Variants in MMP26 observed in about 807,000 individuals in gnomAD.
The protein encoded by MMP26 is matrix metallopeptidase 26.
Under a neutral mutation model 31.0 loss-of-function variants are expected in MMP26, and 33 were observed. That is an observed-to-expected ratio of 1.06 (90% confidence interval 0.81 to 1.42). The LOEUF (loss-of-function observed/expected upper bound fraction) is 1.42. Ranked by LOEUF, MMP26 falls within the 40% of genes most tolerant of loss-of-function variation. MMP26 has a pLI of 0.00. For missense variants in MMP26, 347 were observed against 316.1 expected, an observed-to-expected ratio of 1.10 and a Z score of -0.74; for synonymous variants, 122 against 114.9, an observed-to-expected ratio of 1.06 and a Z score of -0.40.
intron 2 of MMP26, among the ~76,000 whole-genome samples, chr11:4,892,439 C>T (rs954824038): frequency 6.6e-6 from 1 of 152,166 alleles, no homozygotes; most frequent in African/African-American, 2.4e-5. Flanking sequence ...AACTCTGTTG[C>T]AGTACCTCAA....
rs891652401 is a variant in MMP26 at position 4,714,957 on chromosome 11, C to T, written c.-217+9912C>T. Among the ~76,000 whole-genome samples the T allele has an allele frequency of 7.4e-5, 11 of 148,694 alleles. No individual in the cohort carries two copies. The South Asian group carries it at 8.5e-4, about 11-fold the overall frequency. Reference sequence around the variant, plus strand: ...ACACACACACACACACACACACACACATTACTCAGTTTGTGAGAACACTGG... The same window carrying T: ...ACACACACACACACACACACACACATATTACTCAGTTTGTGAGAACACTGG... On this transcript the variant is annotated intron_variant, in intron 1 of 7. Coordinates refer to ENST00000380390, the MANE Select transcript of MMP26 (RefSeq NM_021801.5).
intron 2 of MMP26, among the ~76,000 whole-genome samples, chr11:4,797,065 T>C (rs1400536384): frequency 6.6e-6 from 1 of 152,116 alleles, no homozygotes; most frequent in Non-Finnish European, 1.5e-5. Flanking sequence ...TATTTATTCA[T>C]GTAACAAATA....
chr11:4,923,707 C>T lies in MMP26; in HGVS notation c.-144-64361C>T, dbSNP rs770785938. 7 of 1,613,988 alleles carry T rather than the reference C, an allele frequency of 4.3e-6. No homozygotes were observed. In the South Asian group the frequency reaches 7.7e-5, roughly 18 times the overall value. On this transcript the variant is annotated intron_variant, in intron 2 of 7. Coordinates refer to ENST00000380390, the MANE Select transcript of MMP26 (RefSeq NM_021801.5). ...ATGAGAGAAAGATGAGCAGGGAGTC[C>T]ACACCCACGGTGCAGGCCACAACAA...
At chr11:4,848,458 G>T (rs1216674692) in intron 2 of MMP26, 1 of 1,613,666 alleles carries the variant, frequency 6.2e-7, no homozygotes, top group South Asian at 1.1e-5. Context: ...GCAGAGAGGT[G>T]GGCAGCACAG....
At chr11:4,723,888 G>T (rs1848057639) in intron 1 of MMP26, 5 of 1,135,686 alleles carry the variant, frequency 4.4e-6, no homozygotes, top group Non-Finnish European at 6.7e-6. Context: ...TGAGGGTCTT[G>T]ATCTGCTCCT....
intron 2 of MMP26, chr11:4,945,647 T>A (rs1846284063): frequency 6.2e-6 from 1 of 162,548 alleles, no homozygotes; most frequent in Non-Finnish European, 1.4e-5. Context: ...AGGATTGGAC[T>A]GAAAAACTAT....
chr11:4,709,641 C>A (rs57324092), intron 1 of MMP26: 1 of 457,234 alleles, frequency 2.2e-6, no homozygotes, highest in South Asian at 1.5e-5. Context: ...CCTTGAAACC[C>A]GTCAGATCTG....
chr11:4,750,939 A>G (rs918732259), intron 1 of MMP26, among the ~76,000 whole-genome samples: 1 of 152,054 alleles, frequency 6.6e-6, no homozygotes, highest in African/African-American at 2.4e-5. Context: ...TAGACAAGAA[A>G]TACAGATTTA....
At chr11:4,985,923 G>A (rs74054442) in intron 2 of MMP26, among the ~76,000 whole-genome samples, 7,811 of 152,132 alleles carry the variant, frequency 0.051, 659 homozygotes, top group African/African-American at 0.18. Flanking sequence ...ATTGCTTTCT[G>A]CAAAATTAGC....
intron 1 of MMP26, among the ~76,000 whole-genome samples, chr11:4,737,311 T>G (rs561657152): frequency 5.3e-5 from 8 of 152,196 alleles, no homozygotes; most frequent in Non-Finnish European, 1.0e-4. Flanking sequence ...TGATTCTTGT[T>G]TCCTGATTCA....
At chr11:4,907,202 C>A in intron 2 of MMP26, 1 of 524,458 alleles carries the variant, frequency 1.9e-6, no homozygotes, top group Non-Finnish European at 3.4e-6. Context: ...TGTTTAAGGA[C>A]TTCTGGTAAA....
intron 2 of MMP26, among the ~76,000 whole-genome samples, chr11:4,906,860 G>T (rs575213542): frequency 6.6e-6 from 1 of 152,156 alleles, no homozygotes; most frequent in East Asian, 1.9e-4. Context: ...GGAGGCCAAG[G>T]CAGGTGGATC....
intron 2 of MMP26, among the ~76,000 whole-genome samples, chr11:4,976,750 T>A (rs554357575): frequency 6.6e-6 from 1 of 152,140 alleles, no homozygotes; most frequent in East Asian, 1.9e-4. Flanking sequence ...TCAAACAGAA[T>A]CAGCTGAATT....
chr11:4,726,430 C>A (rs922355007), intron 1 of MMP26, among the ~76,000 whole-genome samples: 5 of 151,838 alleles, frequency 3.3e-5, no homozygotes, highest in Admixed American at 2.6e-4. Context: ...CCACCGCACT[C>A]CAGCCTGGGA....
chr11:4,780,440 C>CTG (rs1272600148), intron 2 of MMP26, among the ~76,000 whole-genome samples: 2 of 152,042 alleles, frequency 1.3e-5, no homozygotes, highest in African/African-American at 4.8e-5. Context: ...ATGCATTTTC[C>CTG]TGTGTGTATT....
rs1031622565 is a variant in MMP26, at chr11:4,989,594, T to C, written c.100-54T>C. 14 of 1,434,224 alleles carry C rather than the reference T, an allele frequency of 9.8e-6. 1 individual carries two copies. The African/African-American group carries it at 1.8e-4, about 19-fold the overall frequency. 88.8% of individuals were successfully genotyped at this position (1,434,224 alleles called of 1,614,324 possible). ...AGAAGGCTATGCCCAGGGTAACTGA[T>C]ATATGGGTCTTCCCTATTGACTCTT... is the stretch of plus-strand genomic sequence containing the variant. On this transcript the variant is annotated intron_variant, in intron 3 of 7. Transcript: ENST00000380390.
intron 1 of MMP26, chr11:4,709,640 C>A (rs115516498): frequency 4.1e-4 from 188 of 457,266 alleles, no homozygotes; most frequent in African/African-American, 3.5e-3. Flanking sequence ...GCCTTGAAAC[C>A]CGTCAGATCT....
At chr11:4,785,616 AATTATC>A (rs1848932131) in intron 2 of MMP26, among the ~76,000 whole-genome samples, 2 of 152,138 alleles carry the variant, frequency 1.3e-5, no homozygotes, top group Admixed American at 1.3e-4. Context: ...TTATTTTCAT[AATTATC>A]ATTACAAATC....
intron 2 of MMP26, among the ~76,000 whole-genome samples, chr11:4,854,095 A>G (rs965269407): frequency 3.3e-5 from 5 of 152,154 alleles, no homozygotes; most frequent in African/African-American, 1.2e-4. Context: ...CTAAATAAGG[A>G]GGGTTCCAAG....
Sources: allele counts gnomAD v4.1 joint callset (sites outside exome capture counted in the v4.1 genomes callset), GRCh38; gene constraint gnomAD v4.1.1; transcripts MANE v1.5; gene names NCBI Gene and HGNC (gene_info 2026-07-23, HGNC 2026-07-21).